The following EDIL3 variants were observed in gnomAD, a reference collection of about 807,000 sequenced individuals.
EDIL3 encodes EGF-like repeat and discoidin I-like domain-containing protein 3.
A neutral mutation model predicts 67.4 loss-of-function variants in EDIL3; 37 were observed. That is an observed-to-expected ratio of 0.55 (90% CI 0.42 to 0.72). The LOEUF (loss-of-function observed/expected upper bound fraction) is 0.72. EDIL3 is among the 30% of genes least tolerant of loss of function. The pLI, the probability that EDIL3 is intolerant of heterozygous loss-of-function variation, is 0.00. For missense variants in EDIL3, 527 were observed against 586.3 expected, an observed-to-expected ratio of 0.90 and a Z score of 1.04; for synonymous variants, 195 against 196.3, an observed-to-expected ratio of 0.99 and a Z score of 0.05.
At chr5:84,297,341 T>C (rs902677127) in intron 1 of EDIL3, among the ~76,000 whole-genome samples, 1 of 152,068 alleles carries the variant, frequency 6.6e-6, no homozygotes, top group Non-Finnish European at 1.5e-5. Flanking sequence ...TATGATCTCA[T>C]GCCAGTCAGA....
At chr5:84,055,812 A>C (rs1036184595) in intron 9 of EDIL3, among the ~76,000 whole-genome samples, 18 of 152,298 alleles carry the variant, frequency 1.2e-4, no homozygotes, top group South Asian at 4.1e-4. Context: ...AGGAAACAAC[A>C]GGTGCTGGAG....
chr5:84,369,962 C>G (rs1747811148), intron 1 of EDIL3, among the ~76,000 whole-genome samples: 1 of 152,064 alleles, frequency 6.6e-6, no homozygotes, highest in African/African-American at 2.4e-5. Context: ...AATTTTAAAA[C>G]AAAGACTAGA....
chr5:84,232,253 G>T (rs565655243), intron 2 of EDIL3, among the ~76,000 whole-genome samples: 2 of 152,234 alleles, frequency 1.3e-5, no homozygotes, highest in South Asian at 4.1e-4. Context: ...AGAAAAGAAA[G>T]AAAAATTGAT....
At chr5:83,944,364 C>T (rs1476383069) in intron 10 of EDIL3, among the ~76,000 whole-genome samples, 2 of 148,374 alleles carry the variant, frequency 1.3e-5, no homozygotes, top group African/African-American at 2.5e-5. Context: ...TTGCATTGCA[C>T]GTCTATTCTT....
intron 3 of EDIL3, among the ~76,000 whole-genome samples, chr5:84,199,548 C>T (rs113214115): frequency 0.01 from 1,586 of 151,968 alleles, 33 homozygotes; most frequent in African/African-American, 0.036. Context: ...ACATAGAGAC[C>T]AGGATAGAGC....
intron 3 of EDIL3, among the ~76,000 whole-genome samples, chr5:84,199,388 G>A (rs899689476): frequency 2.0e-5 from 3 of 151,960 alleles, no homozygotes; most frequent in Non-Finnish European, 2.9e-5. Context: ...AACCCAAAGT[G>A]AGCACCTTCT....
intron 1 of EDIL3, among the ~76,000 whole-genome samples, chr5:84,301,733 TTC>T (rs1180317934): frequency 6.6e-6 from 1 of 152,230 alleles, no homozygotes; most frequent in Non-Finnish European, 1.5e-5. Context: ...ATTCAAGCAC[TTC>T]TGTTTGTGAT....
At chr5:84,085,938 C>A (rs1561426720) in intron 6 of EDIL3, among the ~76,000 whole-genome samples, 1 of 152,132 alleles carries the variant, frequency 6.6e-6, no homozygotes, top group South Asian at 2.1e-4. Flanking sequence ...GCTGCTTTGC[C>A]GCGCCTCTTT....
At chr5:84,140,072 G>A (rs1386410950) in intron 4 of EDIL3, among the ~76,000 whole-genome samples, 1 of 152,116 alleles carries the variant, frequency 6.6e-6, no homozygotes, top group Non-Finnish European at 1.5e-5. Flanking sequence ...AGCAGGATGA[G>A]AAGGATTAAA....
chr5:84,322,099 G>GAAAAGGGGGGAAATGTGATTTCCA (rs1746660484), intron 1 of EDIL3, among the ~76,000 whole-genome samples: 2 of 151,202 alleles, frequency 1.3e-5, no homozygotes, highest in Admixed American at 1.3e-4. Flanking sequence ...AAAACACCCT[G>GAAAAGGGGGGAAATGTGATTTCCA]AAAAGGGGGG....
At position 83,946,827 on chromosome 5, in the gene EDIL3, T is replaced by A. The variant is rs117346577; in HGVS notation, c.1294-3259A>T. ...AAATATCAAAGAATCCCTTGGGGAC[T>A]TCTTGCACATATGATTTCTTTAGAA... On this transcript the variant is annotated intron_variant, in intron 10 of 10. Coordinates refer to ENST00000296591, the MANE Select transcript of EDIL3 (RefSeq NM_005711.5). Among the ~76,000 whole-genome samples the A allele has an allele frequency of 2.6e-3, 396 of 152,042 alleles. 10 individuals carry two copies. The East Asian group carries it at 0.061, about 23-fold the overall frequency.
chr5:84,013,351 A>G (rs535032943), intron 9 of EDIL3, among the ~76,000 whole-genome samples: 16 of 152,258 alleles, frequency 1.1e-4, no homozygotes, highest in African/African-American at 3.8e-4. Flanking sequence ...CTATGTAATA[A>G]ATGTCATTTG....
chr5:84,132,373 TTATATATAATATATTTTATATATAA>T (rs1747991114), intron 5 of EDIL3, among the ~76,000 whole-genome samples: 1 of 17,098 alleles, frequency 5.8e-5, no homozygotes, highest in Admixed American at 1.2e-3. Context: ...ATTATATATA[TTATATATAATATATTTTATATATAA>T]TATATATTTT....
rs1561263309 is a variant in EDIL3 at position 84,343,457 on chromosome 5, C to CT, written c.67+40850dup. Among the ~76,000 whole-genome samples the CT allele has an allele frequency of 5.9e-5, 9 of 151,944 alleles. 1 individual carries two copies. In the South Asian group the frequency reaches 1.7e-3, roughly 28 times the overall value. On this transcript the variant is annotated intron_variant, in intron 1 of 10. Coordinates refer to ENST00000296591, the MANE Select transcript of EDIL3 (RefSeq NM_005711.5). ...TCATGCTTTGTCAGTAATGAATTGC[C>CT]TTTTTTTAGGGGAGAAATAAATTTT...
At chr5:84,012,503 T>C (rs1745534218) in intron 9 of EDIL3, among the ~76,000 whole-genome samples, 1 of 152,126 alleles carries the variant, frequency 6.6e-6, no homozygotes, top group Non-Finnish European at 1.5e-5. Context: ...AATATCAATT[T>C]AATAAAACAA....
chr5:84,236,936 A>G (rs1489550150), intron 2 of EDIL3, among the ~76,000 whole-genome samples: 1 of 152,112 alleles, frequency 6.6e-6, no homozygotes, highest in Non-Finnish European at 1.5e-5. Flanking sequence ...TAAAATTAAT[A>G]AATTCATAAT....
At chr5:84,196,961 G>A (rs1743722191) in intron 3 of EDIL3, 1 of 151,984 alleles carries the variant, frequency 6.6e-6, no homozygotes, top group Non-Finnish European at 1.5e-5. Context: ...AAGGAAGTAA[G>A]GAATTATGTC....
At chr5:83,985,108 G>A (rs778542285) in intron 9 of EDIL3, among the ~76,000 whole-genome samples, 16 of 151,902 alleles carry the variant, frequency 1.1e-4, no homozygotes, top group South Asian at 2.1e-4. Context: ...GAAAAATGTA[G>A]GAGAATGGAG....
chr5:84,173,775 G>A (rs1748853880), intron 4 of EDIL3, among the ~76,000 whole-genome samples: 2 of 152,318 alleles, frequency 1.3e-5, no homozygotes, highest in East Asian at 3.9e-4. Flanking sequence ...CTGCAAGATA[G>A]CCAGGCCAAG....
Sources: allele counts gnomAD v4.1 joint callset (sites outside exome capture counted in the v4.1 genomes callset), GRCh38; gene constraint gnomAD v4.1.1; transcripts MANE v1.5; gene names NCBI Gene and HGNC (gene_info 2026-07-23, HGNC 2026-07-21).